The following CIP2A variants were observed in gnomAD, a reference collection of about 807,000 sequenced individuals.
CIP2A encodes the protein protein CIP2A.
Under a neutral mutation model 110.9 loss-of-function variants are expected in CIP2A, and 103 were observed. The ratio of observed to expected loss-of-function variants is 0.93; its 90% CI spans 0.79 to 1.09. The LOEUF is 1.09. CIP2A is among the 50% of genes least tolerant of loss of function. The pLI is 0.00. For missense variants in CIP2A, 1,088 were observed against 1,038.4 expected, an observed-to-expected ratio of 1.05 and a Z score of -0.66; for synonymous variants, 381 against 361.6, an observed-to-expected ratio of 1.05 and a Z score of -0.61.
chr3:108,571,638 A>AG (rs1447732447), intron 8 of CIP2A, among the ~76,000 whole-genome samples: 1 of 152,174 alleles, frequency 6.6e-6, no homozygotes, highest in Non-Finnish European at 1.5e-5. Flanking sequence ...AAAAAAACTA[A>AG]TTACTAGTGC....
At position 108,550,607 on chromosome 3, in the gene CIP2A, A is replaced by T. The variant is rs2083884800; in HGVS notation, c.*542T>A. On this transcript the variant is annotated 3_prime_UTR_variant, in exon 21 of 21. Coordinates refer to ENST00000295746, the MANE Select transcript of CIP2A (RefSeq NM_020890.3). The stretch of plus-strand genomic sequence containing the variant: ...TGCATTTTTTTCAAATTTAGAAATT[A>T]TGCTACAGCAGTATAAAAATTATTT... 6.6e-6 allele frequency: 1 copy of T among 151,646 alleles called. No individual in the cohort carries two copies. Among genetic ancestry groups the T allele is most frequent in the Non-Finnish European group, 1.5e-5 (1 of 67,764 alleles). The allele number at this position is 151,646 out of a possible 1,614,324, so 9.4% of individuals were successfully genotyped here.
At chr3:108,569,261 G>T in intron 9 of CIP2A, 128 bp downstream of exon 9, 1 of 685,434 alleles carries the variant, frequency 1.5e-6, no homozygotes, top group Non-Finnish European at 2.5e-6. Context: ...AGTCTAGTAT[G>T]ACTGTTAGTA....
At chr3:108,559,233 G>A (rs1368718743) in intron 16 of CIP2A, among the ~76,000 whole-genome samples, 1 of 152,098 alleles carries the variant, frequency 6.6e-6, no homozygotes, top group Non-Finnish European at 1.5e-5. Flanking sequence ...ATAATTATAG[G>A]AGGTAAAAAC....
chr3:108,567,196 C>T (rs1938218021), intron 10 of CIP2A, among the ~76,000 whole-genome samples: 1 of 151,710 alleles, frequency 6.6e-6, no homozygotes, highest in Admixed American at 6.6e-5. Context: ...GGTTTCACAT[C>T]ACTCCAATTA....
rs775634170 is a variant in CIP2A, at chr3:108,582,969, C to T, written c.357+8G>A. 7 of 1,574,094 alleles carry T rather than the reference C, an allele frequency of 4.4e-6. No individual in the cohort carries two copies. In the South Asian group the frequency reaches 7.9e-5, roughly 18 times the overall value. On this transcript the variant is annotated splice_region_variant and intron_variant, in intron 3 of 20. Coordinates refer to ENST00000295746, the MANE Select transcript of CIP2A (RefSeq NM_020890.3). Reference sequence around the variant, plus strand: ...GGAAAGGGGAATACACTGTGTGGGTCTGTATACCTGCAAAAACACCGAATC... The same window carrying T: ...GGAAAGGGGAATACACTGTGTGGGTTTGTATACCTGCAAAAACACCGAATC...
chr3:108,585,091 C>G lies in CIP2A; in HGVS notation c.224G>C (p.Ser75Thr), dbSNP rs963899649. The G allele has an allele frequency of 3.7e-6, 6 of 1,612,580 alleles. No individual in the cohort carries two copies. The African/African-American group carries it at 8.0e-5, about 22-fold the overall frequency. The change falls in exon 2 of 21, where the codon AGT becomes ACT. Residue 75 changes from serine to threonine, a missense_variant. Coordinates refer to ENST00000295746, the MANE Select transcript of CIP2A (RefSeq NM_020890.3). ...DPNISASLIL[S>T]IIGLLSQLAV... ...TAGTTGAGACAGCAAACCGATAATA[C>G]TTAAGATCAGTGAAGCACTTATGTT... is the stretch of plus-strand genomic sequence containing the variant.
At chr3:108,565,103 TGAGG>T (rs1938138380) in intron 12 of CIP2A, among the ~76,000 whole-genome samples, 1 of 151,862 alleles carries the variant, frequency 6.6e-6, no homozygotes, top group South Asian at 2.1e-4. Flanking sequence ...AGGAAAAGGC[TGAGG>T]AAGCAGCACT....
At chr3:108,575,630 G>A (rs199917465) in intron 8 of CIP2A, among the ~76,000 whole-genome samples, 21,442 of 45,770 alleles carry the variant, frequency 0.47, 3,626 homozygotes, top group East Asian at 0.63. Flanking sequence ...GTATATATAC[G>A]TGTATATATA....
chr3:108,561,983 T>C (rs1159884034), intron 13 of CIP2A, among the ~76,000 whole-genome samples: 1 of 152,146 alleles, frequency 6.6e-6, no homozygotes, highest in East Asian at 1.9e-4. Flanking sequence ...TACCAGTTTA[T>C]GCAAGCAGGC....
At chr3:108,576,112 T>C (rs890799101) in intron 8 of CIP2A, among the ~76,000 whole-genome samples, 159 bp downstream of exon 8, 4 of 151,964 alleles carry the variant, frequency 2.6e-5, no homozygotes, top group African/African-American at 9.7e-5. Flanking sequence ...ACTGGTAACA[T>C]TCTACATCCT....
At chr3:108,562,729 C>T (rs990522142) in intron 13 of CIP2A, among the ~76,000 whole-genome samples, 1 of 152,062 alleles carries the variant, frequency 6.6e-6, no homozygotes, top group Non-Finnish European at 1.5e-5. Flanking sequence ...TAGTCCACAT[C>T]GTTCTCATGG....
intron 3 of CIP2A, 27 bp downstream of exon 3, chr3:108,582,950 G>C (rs1938929547): frequency 7.2e-7 from 1 of 1,380,582 alleles, no homozygotes; most frequent in Non-Finnish European, 1.0e-6. Flanking sequence ...GTAAGGAAAG[G>C]GGAATACACT....
chr3:108,560,787 A>G lies in CIP2A; in HGVS notation c.1689T>C (p.His563=). The G allele has an allele frequency of 6.2e-7, 1 of 1,613,028 alleles. No homozygotes were observed. The highest frequency in any genetic ancestry group is 8.5e-7 in the Non-Finnish European group (1 of 1,179,426). Residue 563 remains histidine, a synonymous_variant, in exon 14 of 21, where the codon CAT becomes CAC. Coordinates refer to ENST00000295746, the MANE Select transcript of CIP2A (RefSeq NM_020890.3). ...NNAYRQQETE[H]IPRKMPWQSS... ...ATTGCCAGGGCATTTTTCTGGGTATATGTTCTGTTTCCTGTTGTCTATAGG... is the reference window on the plus strand; with the variant it reads ...ATTGCCAGGGCATTTTTCTGGGTATGTGTTCTGTTTCCTGTTGTCTATAGG...
intron 17 of CIP2A, among the ~76,000 whole-genome samples, chr3:108,555,944 C>T (rs988353625): frequency 6.6e-6 from 1 of 152,074 alleles, no homozygotes. Flanking sequence ...TACTTGGCAC[C>T]CTGCAGTAAA....
chr3:108,580,205 A>T (rs1938816872), intron 5 of CIP2A, among the ~76,000 whole-genome samples: 1 of 152,232 alleles, frequency 6.6e-6, no homozygotes, highest in Non-Finnish European at 1.5e-5. Context: ...CACACCGTGG[A>T]GCAGCAATTA....
chr3:108,571,559 C>T (rs1275224821), intron 8 of CIP2A, among the ~76,000 whole-genome samples: 4 of 152,042 alleles, frequency 2.6e-5, no homozygotes, highest in Non-Finnish European at 5.9e-5. Flanking sequence ...ACCATATGTC[C>T]GTTATAAACA....
At chr3:108,586,365 T>C (rs1169781313) in intron 1 of CIP2A, among the ~76,000 whole-genome samples, 1 of 152,188 alleles carries the variant, frequency 6.6e-6, no homozygotes. Context: ...CTGTTGCTTA[T>C]TTATAAATCT....
At chr3:108,584,019 G>C (rs1050429975) in intron 2 of CIP2A, among the ~76,000 whole-genome samples, 2 of 152,206 alleles carry the variant, frequency 1.3e-5, no homozygotes, top group African/African-American at 4.8e-5. Context: ...GTGGATGTTA[G>C]AAGTGGAAGA....
chr3:108,560,278 T>C (rs1001046876), intron 14 of CIP2A, among the ~76,000 whole-genome samples: 1 of 152,010 alleles, frequency 6.6e-6, no homozygotes, highest in Non-Finnish European at 1.5e-5. Context: ...TTCAAGTGAT[T>C]CTCCTGCCTC....
Sources: allele counts gnomAD v4.1 joint callset (sites outside exome capture counted in the v4.1 genomes callset), GRCh38; gene constraint gnomAD v4.1.1; transcripts MANE v1.5; gene names NCBI Gene and HGNC (gene_info 2026-07-23, HGNC 2026-07-21).